ZPBP: variants seen among roughly 807,000 people sequenced by gnomAD.
ZPBP encodes zona pellucida-binding protein 1.
A neutral mutation model predicts 44.8 loss-of-function variants in ZPBP; 26 were observed. The ratio of observed to expected loss-of-function variants is 0.58; its 90% CI spans 0.43 to 0.81. ZPBP has a LOEUF of 0.81. ZPBP is among the 30% of genes least tolerant of loss of function. ZPBP has a pLI of 0.00. For missense variants in ZPBP, 409 were observed against 434.0 expected (o/e 0.94, Z 0.51); for synonymous variants, 174 against 153.2 (o/e 1.14, Z -1.00).
chr7:50,092,732 T>C, intron 1 of ZPBP: 1 of 198,608 alleles, frequency 5.0e-6, no homozygotes, highest in South Asian at 1.4e-4. Context: ...GACACTGATC[T>C]CATCATTACA....
chr7:49,939,024 A>T (rs529020115), intron 7 of ZPBP, among the ~76,000 whole-genome samples: 3 of 152,288 alleles, frequency 2.0e-5, no homozygotes, highest in East Asian at 3.9e-4. Flanking sequence ...GATGGAAAAA[A>T]GTTTAATTAA....
chr7:49,870,897 T>C (rs986953603), intron 2 of ZPBP, among the ~76,000 whole-genome samples: 1 of 152,208 alleles, frequency 6.6e-6, no homozygotes, highest in African/African-American at 2.4e-5. Flanking sequence ...GTGAACTCCA[T>C]AGAACCTAGG....
At chr7:50,019,971 C>A (rs1246267498) in intron 5 of ZPBP, among the ~76,000 whole-genome samples, 1 of 151,490 alleles carries the variant, frequency 6.6e-6, no homozygotes, top group Non-Finnish European at 1.5e-5. Context: ...TCGCTTGAAC[C>A]TGGAAGGTGG....
intron 7 of ZPBP, among the ~76,000 whole-genome samples, chr7:49,978,111 T>C (rs1206353462): frequency 6.7e-6 from 1 of 150,122 alleles, no homozygotes; most frequent in Non-Finnish European, 1.5e-5. Context: ...CTAGCAGAAA[T>C]AACATGGGAG....
chr7:49,953,876 ATAT>A (rs1795459491), intron 7 of ZPBP, among the ~76,000 whole-genome samples: 1 of 152,180 alleles, frequency 6.6e-6, no homozygotes, highest in East Asian at 1.9e-4. Context: ...TAAGATGTTA[ATAT>A]TACTCAAAGG....
At chr7:49,854,159 G>C (rs1372487308) in intron 2 of ZPBP, among the ~76,000 whole-genome samples, 6 of 152,094 alleles carry the variant, frequency 3.9e-5, no homozygotes, top group Non-Finnish European at 7.3e-5. Flanking sequence ...ATTGTGAATA[G>C]TGCCGCAATA....
chr7:50,048,384 T>A lies in ZPBP; in HGVS notation c.487+9605A>T, dbSNP rs543418380. Among the ~76,000 whole-genome samples, 97 of 152,234 alleles carry A rather than the reference T, an allele frequency of 6.4e-4. 2 individuals carry two copies. The South Asian group carries it at 0.02, about 31-fold the overall frequency. On this transcript the variant is annotated intron_variant, in intron 4 of 7. Coordinates refer to ENST00000046087, the MANE Select transcript of ZPBP (RefSeq NM_007009.3). ...ATAAACCAAATAGATCTGAGAGTCA[T>A]CTACAGTAAACTGGCTAACAGCAGC...
chr7:49,906,339 TTC>T (rs560414179), intron 1 of ZPBP, among the ~76,000 whole-genome samples: 100 of 152,174 alleles, frequency 6.6e-4, no homozygotes, highest in African/African-American at 2.3e-3. Flanking sequence ...GTCAAAAATT[TTC>T]TCTTTTTTTT....
chr7:49,975,773 T>C (rs1796484698), intron 7 of ZPBP, among the ~76,000 whole-genome samples: 1 of 152,186 alleles, frequency 6.6e-6, no homozygotes. Context: ...TCACAAATGC[T>C]TCATAAGAGT....
chr7:49,862,656 T>C (rs1790702572), intron 2 of ZPBP, among the ~76,000 whole-genome samples: 1 of 152,066 alleles, frequency 6.6e-6, no homozygotes, highest in Non-Finnish European at 1.5e-5. Context: ...TTGATGTGTT[T>C]TTTTTTTCAT....
At chr7:49,875,386 A>C (rs959917592) in intron 2 of ZPBP, among the ~76,000 whole-genome samples, 1 of 149,776 alleles carries the variant, frequency 6.7e-6, no homozygotes, top group Admixed American at 6.7e-5. Context: ...AAAAAAAAAA[A>C]AAAAAAAAAA....
Position 49,903,753 on chromosome 7 carries a change from T to C in ZPBP, n.412-2538A>G, listed in dbSNP as rs572329106. 7.7e-4 allele frequency among the ~76,000 whole-genome samples: 118 copies of C among 152,318 alleles called. 1 individual carries two copies. Among genetic ancestry groups the C allele is most frequent in the Non-Finnish European group, 1.4e-3 (94 of 68,010 alleles). ...GGTATATACCCAGGGTTTGTGGTCT[T>C]GCTCCAGGAAAATTTAGGACAGGGA... On this transcript the variant is annotated intron_variant and non_coding_transcript_variant, in intron 1 of 2. Coordinates refer to the ZPBP transcript ENST00000465922.
intron 2 of ZPBP, among the ~76,000 whole-genome samples, chr7:49,856,674 A>G (rs1790429004): frequency 6.6e-6 from 1 of 152,164 alleles, no homozygotes; most frequent in Admixed American, 6.5e-5. Flanking sequence ...GGTAATTAAT[A>G]TATCCATCAC....
At chr7:50,037,693 A>C (rs552887551) in intron 4 of ZPBP, among the ~76,000 whole-genome samples, 1 of 152,306 alleles carries the variant, frequency 6.6e-6, no homozygotes, top group African/African-American at 2.4e-5. Flanking sequence ...ACAATTAAAC[A>C]TGAGATTTAG....
At chr7:49,926,896 C>G (rs995661036) in intron 1 of ZPBP, among the ~76,000 whole-genome samples, 1 of 152,142 alleles carries the variant, frequency 6.6e-6, no homozygotes, top group East Asian at 1.9e-4. Flanking sequence ...CCATAGCGGC[C>G]GCAGGAAATT....
chr7:49,976,531 A>C (rs1259493122), intron 7 of ZPBP, among the ~76,000 whole-genome samples: 1 of 152,168 alleles, frequency 6.6e-6, no homozygotes, highest in Non-Finnish European at 1.5e-5. Flanking sequence ...CATGATAGAA[A>C]GGAAGGGAGC....
chr7:50,003,419 T>A (rs1209811112), intron 6 of ZPBP, among the ~76,000 whole-genome samples: 2 of 152,196 alleles, frequency 1.3e-5, no homozygotes, highest in East Asian at 3.9e-4. Context: ...GCTCAGACTA[T>A]CCCACCTCAC....
chr7:49,877,462 CAAAAAA>C lies in ZPBP; in HGVS notation n.509+23650_509+23655del, dbSNP rs1169480763. 4.4e-3 allele frequency among the ~76,000 whole-genome samples: 31 copies of C among 7,052 alleles called. 2 individuals carry two copies. The highest frequency in any genetic ancestry group is 6.4e-3 in the Non-Finnish European group (26 of 4,068). 4.6% of individuals were successfully genotyped at this position (7,052 alleles called of 152,430 possible). A position where few individuals can be genotyped will look rare whatever the true frequency, so the allele number is the denominator to read the frequency against. On this transcript the variant is annotated intron_variant and non_coding_transcript_variant, in intron 2 of 2. Transcript: ENST00000465922. The stretch of plus-strand genomic sequence containing the variant: ...GGGCAACAAGTAAGAAACTCTGTCT[CAAAAAA>C]AAAAAAAAAAAAAATATATATATAT...
In ZPBP at chr7:50,005,823, A is replaced by ATGTGTGTGTGTG. The variant is rs71018444; in HGVS notation, c.783+12405_783+12416dup. On this transcript the variant is annotated intron_variant, in intron 6 of 7. Coordinates refer to ENST00000046087, the MANE Select transcript of ZPBP (RefSeq NM_007009.3). ...AATGAGTTAAACTTCATAACTATAT[A>ATGTGTGTGTGTG]TGTGTGTGTGTGTGTGTGTGTGTGT... Among the ~76,000 whole-genome samples, 322 of 144,894 alleles carry ATGTGTGTGTGTG rather than the reference A, an allele frequency of 2.2e-3. 5 individuals carry two copies. The highest frequency in any genetic ancestry group is 7.9e-3 in the African/African-American group (302 of 38,294).
Sources: gnomAD v4.1 joint callset for allele counts (sites outside exome capture counted in the v4.1 genomes callset) on GRCh38, gnomAD v4.1.1 for gene constraint, MANE v1.5 for transcripts, NCBI Gene and HGNC (gene_info 2026-07-23, HGNC 2026-07-21) for gene names.